The following DNM3 variants were observed in gnomAD, a reference collection of about 807,000 sequenced individuals.
The protein encoded by DNM3 is dynamin 3.
In DNM3, 47 loss-of-function variants were observed where a neutral mutation model predicts 101.6. The observed-to-expected ratio is 0.46, with a 90% CI of 0.37 to 0.59. The LOEUF (loss-of-function observed/expected upper bound fraction) is 0.59, where lower values mean the gene tolerates loss of function less well. Among genes scored for constraint, DNM3 ranks in the 20% least tolerant of loss-of-function variants. DNM3 has a pLI of 0.00. For missense variants in DNM3, 849 were observed against 1,085.7 expected, an observed-to-expected ratio of 0.78 and a Z score of 3.06; for synonymous variants, 385 against 387.9, an observed-to-expected ratio of 0.99 and a Z score of 0.09.
chr1:172,353,877 T>A (rs1205477264), intron 17 of DNM3, among the ~76,000 whole-genome samples: 2 of 152,094 alleles, frequency 1.3e-5, no homozygotes, highest in Non-Finnish European at 2.9e-5. Context: ...ACAGTATTAT[T>A]ATCAGTATCA....
At chr1:172,323,145 G>C (rs867567476) in intron 16 of DNM3, among the ~76,000 whole-genome samples, 184 bp from the exon 17 acceptor site, 1 of 152,244 alleles carries the variant, frequency 6.6e-6, no homozygotes, top group Middle Eastern at 3.4e-3. Context: ...TCTGGATGCT[G>C]TATGTGTATG....
intron 14 of DNM3, among the ~76,000 whole-genome samples, chr1:172,211,637 C>T (rs2060517755): frequency 6.6e-6 from 1 of 151,958 alleles, no homozygotes; most frequent in South Asian, 2.1e-4. Flanking sequence ...AGAAAGTTAC[C>T]GGTCTGAATC....
At chr1:172,210,804 A>T (rs1430443745) in intron 14 of DNM3, among the ~76,000 whole-genome samples, 1 of 152,130 alleles carries the variant, frequency 6.6e-6, no homozygotes, top group African/African-American at 2.4e-5. Flanking sequence ...TTCAACATAC[A>T]TCAGCATGTC....
At chr1:171,847,571 A>G (rs1017752443) in intron 1 of DNM3, among the ~76,000 whole-genome samples, 1 of 152,208 alleles carries the variant, frequency 6.6e-6, no homozygotes, top group Non-Finnish European at 1.5e-5. Flanking sequence ...TAAAAATATA[A>G]CTGGATGCAG....
At chr1:172,045,042 G>A (rs1415878039) in intron 9 of DNM3, among the ~76,000 whole-genome samples, 1 of 152,128 alleles carries the variant, frequency 6.6e-6, no homozygotes. Flanking sequence ...GGTGGAAGGG[G>A]TGGGATGACC....
intron 15 of DNM3, among the ~76,000 whole-genome samples, chr1:172,274,900 T>C (rs1225226029): frequency 2.0e-5 from 3 of 151,980 alleles, no homozygotes; most frequent in Non-Finnish European, 4.4e-5. Flanking sequence ...TTGGATGTCA[T>C]AGCAGTGTCA....
chr1:172,398,812 T>C (rs1420594480), intron 20 of DNM3, among the ~76,000 whole-genome samples: 2 of 152,186 alleles, frequency 1.3e-5, no homozygotes, highest in African/African-American at 4.8e-5. Context: ...TTTAGTGACT[T>C]TTGGTCTGAA....
At chr1:172,414,114 T>C (rs138689437), downstream of DNM3, among the ~76,000 whole-genome samples, 838 of 152,366 alleles carry the variant, frequency 5.5e-3, 4 homozygotes, top group Non-Finnish European at 9.3e-3. Context: ...ATTTTTGTTT[T>C]TCTGATGGGA....
intron 11 of DNM3, among the ~76,000 whole-genome samples, chr1:172,077,494 G>A (rs984673374): frequency 6.6e-6 from 1 of 152,224 alleles, no homozygotes; most frequent in Non-Finnish European, 1.5e-5. Flanking sequence ...CTGTGTCGCA[G>A]AGATTCTGGT....
intron 2 of DNM3, among the ~76,000 whole-genome samples, chr1:171,943,926 C>T (rs1325169100): frequency 1.3e-5 from 2 of 151,960 alleles, no homozygotes; most frequent in Non-Finnish European, 2.9e-5. Flanking sequence ...GTAATCATTT[C>T]CCCTATGAAT....
intron 15 of DNM3, among the ~76,000 whole-genome samples, chr1:172,261,063 C>T (rs2062623830): frequency 6.6e-6 from 1 of 152,116 alleles, no homozygotes; most frequent in Non-Finnish European, 1.5e-5. Context: ...TCTCCCAACT[C>T]AGCCTCCTGT....
chr1:172,084,390 G>C (rs2053383811), intron 12 of DNM3, among the ~76,000 whole-genome samples: 1 of 152,016 alleles, frequency 6.6e-6, no homozygotes, highest in Admixed American at 6.6e-5. Flanking sequence ...TTATGATGTA[G>C]TTATAATGAC....
intron 14 of DNM3, among the ~76,000 whole-genome samples, chr1:172,199,183 A>T (rs1373500202): frequency 6.6e-6 from 1 of 151,972 alleles, no homozygotes; most frequent in Non-Finnish European, 1.5e-5. Flanking sequence ...GTCATTCAGG[A>T]GTATGTTGTT....
chr1:171,939,387 A>T (rs2041667831), intron 2 of DNM3, among the ~76,000 whole-genome samples: 2 of 152,098 alleles, frequency 1.3e-5, no homozygotes, highest in Non-Finnish European at 1.5e-5. Flanking sequence ...ATTGGTGTTT[A>T]TTTGTTCTAT....
chr1:172,043,258 A>G (rs2049522491), intron 8 of DNM3, among the ~76,000 whole-genome samples: 1 of 152,058 alleles, frequency 6.6e-6, no homozygotes, highest in South Asian at 2.1e-4. Flanking sequence ...TTCACAGCTG[A>G]GGGAGTGGTA....
chr1:172,282,967 G>A lies in DNM3; in HGVS notation c.1770-25761G>A, dbSNP rs547723019. On this transcript the variant is annotated intron_variant, in intron 15 of 20. Transcript: ENST00000627582. ...CCACACAGTTCCATCAAGTAGCATCGCATCAACTTGCACCTGTTTTACTCC... is the reference window on the plus strand; with the variant it reads ...CCACACAGTTCCATCAAGTAGCATCACATCAACTTGCACCTGTTTTACTCC... Among the ~76,000 whole-genome samples, 323 of 152,226 alleles carry A rather than the reference G, an allele frequency of 2.1e-3. 2 individuals are homozygous for A. Among genetic ancestry groups the A allele is most frequent in the South Asian group, 0.015 (72 of 4,820 alleles).
At chr1:172,307,878 G>T (rs534915491) in intron 15 of DNM3, among the ~76,000 whole-genome samples, 1 of 152,082 alleles carries the variant, frequency 6.6e-6, no homozygotes, top group Non-Finnish European at 1.5e-5. Flanking sequence ...GTCATAGGGT[G>T]GGGGCTGGGG....
intron 16 of DNM3, among the ~76,000 whole-genome samples, chr1:172,313,767 C>CATTTATTTATTTATTT (rs58904855): frequency 1.3e-4 from 19 of 151,202 alleles, no homozygotes; most frequent in African/African-American, 3.9e-4. Flanking sequence ...TGTCTCATAG[C>CATTTATTTATTTATTT]ATTTATTTAT....
At chr1:172,221,613 T>A (rs755138200) in intron 14 of DNM3, among the ~76,000 whole-genome samples, 3 of 152,148 alleles carry the variant, frequency 2.0e-5, no homozygotes, top group Non-Finnish European at 2.9e-5. Context: ...TTCCTATGCC[T>A]GGGAATGCAT....
Sources: allele counts gnomAD v4.1 joint callset (sites outside exome capture counted in the v4.1 genomes callset), GRCh38; gene constraint gnomAD v4.1.1; transcripts MANE v1.5; gene names NCBI Gene and HGNC (gene_info 2026-07-23, HGNC 2026-07-21).